Variants in RNF38 observed in about 807,000 individuals in gnomAD.
RNF38 encodes E3 ubiquitin-protein ligase RNF38.
Under a neutral mutation model 67.2 loss-of-function variants are expected in RNF38, and 15 were observed. The ratio of observed to expected loss-of-function variants is 0.22; its 90% CI spans 0.15 to 0.34. RNF38 has a LOEUF of 0.34. Ranked by LOEUF, RNF38 falls within the 10% of genes least tolerant of loss-of-function variation. RNF38 has a pLI of 1.00. For synonymous variants in RNF38, 220 were observed against 218.8 expected, an observed-to-expected ratio of 1.01 and a Z score of -0.05; for missense variants, 524 against 639.9, an observed-to-expected ratio of 0.82 and a Z score of 1.95.
intron 1 of RNF38, among the ~76,000 whole-genome samples, chr9:36,454,857 T>TA (rs1328461469): frequency 6.6e-6 from 1 of 152,160 alleles, no homozygotes. Flanking sequence ...GTGCTGGGGT[T>TA]AAAGGCGTGA....
At chr9:36,457,411 C>G (rs1839618927) in intron 1 of RNF38, among the ~76,000 whole-genome samples, 1 of 152,214 alleles carries the variant, frequency 6.6e-6, no homozygotes, top group Non-Finnish European at 1.5e-5. Flanking sequence ...TGAGCTATAA[C>G]AGAAAAACAT....
At chr9:36,356,742 G>C (rs1197477140) in intron 5 of RNF38, among the ~76,000 whole-genome samples, 1 of 150,718 alleles carries the variant, frequency 6.6e-6, no homozygotes, top group African/African-American at 2.4e-5. Context: ...GGGTTGGGGC[G>C]GGTGTGGGGG....
At chr9:36,463,580 T>C (rs996372365) in intron 1 of RNF38, among the ~76,000 whole-genome samples, 2 of 151,590 alleles carry the variant, frequency 1.3e-5, no homozygotes, top group African/African-American at 2.4e-5. Flanking sequence ...CAAGGTACAC[T>C]AGAAAAAAAA....
chr9:36,433,322 A>AC (rs569786020), intron 1 of RNF38, among the ~76,000 whole-genome samples: 175 of 150,796 alleles, frequency 1.2e-3, no homozygotes, highest in East Asian at 3.3e-3. Flanking sequence ...GGTGATGGAT[A>AC]CCCCCCCCTT....
At position 36,390,616 on chromosome 9, in the gene RNF38, T is replaced by A; in HGVS notation, c.13A>T (p.Ile5Leu). 1.2e-6 allele frequency: 2 copies of A among 1,613,598 alleles called. No individual in the cohort carries two copies. The highest frequency in any genetic ancestry group is 1.7e-6 in the Non-Finnish European group (2 of 1,179,786). The stretch of plus-strand genomic sequence containing the variant: ...GATGCTGAATTGGCCCCGGGAGATA[T>A]CTGGGAAAAAGAGGAAGAAAAGGAT... MACK[I>L]SPGANSASLP... The change falls in exon 2 of 12, where the codon ATA becomes TTA. Residue 5 changes from isoleucine (I) to leucine (L), a missense_variant and splice_region_variant. Transcript: ENST00000259605.
At chr9:36,438,257 A>T (rs1839114722) in intron 1 of RNF38, among the ~76,000 whole-genome samples, 1 of 152,098 alleles carries the variant, frequency 6.6e-6, no homozygotes, top group Non-Finnish European at 1.5e-5. Context: ...GCTTTTTATC[A>T]GACCTTCAAA....
rs1563986130 is a variant in RNF38, at chr9:36,337,493, G to C, written c.*2259C>G. Reference sequence around the variant, plus strand: ...CCTAGTCATTAGTACAATGTGCTGTGTTAATTAGATACCTCTATATAAATT... The same window carrying C: ...CCTAGTCATTAGTACAATGTGCTGTCTTAATTAGATACCTCTATATAAATT... On this transcript the variant is annotated 3_prime_UTR_variant, in exon 12 of 12. Transcript: ENST00000259605. 6.6e-6 allele frequency: 1 copy of C among 152,602 alleles called. No homozygotes were observed. The highest frequency in any genetic ancestry group is 1.9e-4 in the East Asian group (1 of 5,202). The allele number at this position is 152,602 out of a possible 1,614,324, so 9.5% of individuals were successfully genotyped here. A position where few individuals can be genotyped will look rare whatever the true frequency, so the allele number is the denominator to read the frequency against.
At chr9:36,375,849 A>T in intron 3 of RNF38, 85 bp downstream of exon 3, 1 of 1,284,938 alleles carries the variant, frequency 7.8e-7, no homozygotes, top group Non-Finnish European at 1.1e-6. Context: ...TGAAATGCCT[A>T]CAGAAAAAAT....
At chr9:36,371,425 C>A (rs1028564479) in intron 3 of RNF38, among the ~76,000 whole-genome samples, 1 of 151,716 alleles carries the variant, frequency 6.6e-6, no homozygotes, top group African/African-American at 2.4e-5. Flanking sequence ...AAGACGCCCT[C>A]CACCTTAGGA....
intron 5 of RNF38, among the ~76,000 whole-genome samples, chr9:36,357,052 TAA>T (rs1834179058): frequency 6.6e-6 from 1 of 152,208 alleles, no homozygotes; most frequent in Non-Finnish European, 1.5e-5. Context: ...AGCAACGTAT[TAA>T]GAGTTACATT....
intron 1 of RNF38, chr9:36,487,185 A>C (rs1316773397): frequency 1.6e-6 from 1 of 630,052 alleles, no homozygotes; most frequent in Non-Finnish European, 2.0e-6. Context: ...GGCCGGACAA[A>C]GCTGACCCGG....
At chr9:36,419,182 G>A (rs537520865) in intron 2 of RNF38, among the ~76,000 whole-genome samples, 1 of 152,136 alleles carries the variant, frequency 6.6e-6, no homozygotes, top group African/African-American at 2.4e-5. Flanking sequence ...AGTATATAAC[G>A]CAAATATACA....
chr9:36,463,247 G>A (rs1009915543), intron 1 of RNF38, among the ~76,000 whole-genome samples: 15 of 152,170 alleles, frequency 9.9e-5, no homozygotes, highest in African/African-American at 3.6e-4. Flanking sequence ...TGTGTAGCCA[G>A]TATGTAGGCC....
rs1346602704 is a variant in RNF38 at position 36,452,199 on chromosome 9, C to G, written n.242-27516G>C. Among the ~76,000 whole-genome samples, 4 of 152,258 alleles carry G rather than the reference C, an allele frequency of 2.6e-5. No individual in the cohort carries two copies. In the East Asian group the frequency reaches 7.7e-4, roughly 29 times the overall value. ...CGTGATCACACCACTGCACTCCAGC[C>G]TAGGTAACAGACTGAGCTGATGTCT... On this transcript the variant is annotated intron_variant and non_coding_transcript_variant, in intron 1 of 3. Coordinates refer to the RNF38 transcript ENST00000488058.
In RNF38 at chr9:36,337,466, CTCCTAG is replaced by C. The variant is rs1258641897; in HGVS notation, c.*2280_*2285del. The C allele has an allele frequency of 6.5e-6, 1 of 152,678 alleles. No homozygotes were observed. Among genetic ancestry groups the C allele is most frequent in the African/African-American group, 2.4e-5 (1 of 41,458 alleles). The allele number at this position is 152,678 out of a possible 1,614,324, so 9.5% of individuals were successfully genotyped here. A position where few individuals can be genotyped will look rare whatever the true frequency, so the allele number is the denominator to read the frequency against. ...AGAGGGAGAGAAGAAAAAGCTGCTA[CTCCTAG>C]TCATTAGTACAATGTGCTGTGTTAA... On this transcript the variant is annotated 3_prime_UTR_variant, in exon 12 of 12. Coordinates refer to ENST00000259605, the MANE Select transcript of RNF38 (RefSeq NM_022781.5).
chr9:36,400,557 C>A, upstream of RNF38: 2 of 988,200 alleles, frequency 2.0e-6, no homozygotes, highest in Non-Finnish European at 2.4e-6. Flanking sequence ...CCAGTACCTG[C>A]GAGGGGAGGC....
chr9:36,441,308 G>T (rs936712575), intron 1 of RNF38, among the ~76,000 whole-genome samples: 1 of 151,092 alleles, frequency 6.6e-6, no homozygotes, highest in African/African-American at 2.4e-5. Context: ...CTTTTCATCT[G>T]TTCTGGGTTA....
At chr9:36,351,598 C>T (rs998199180) in intron 8 of RNF38, among the ~76,000 whole-genome samples, 2 of 152,032 alleles carry the variant, frequency 1.3e-5, no homozygotes, top group African/African-American at 4.8e-5. Context: ...GGGAGACATA[C>T]TATATCTGAC....
chr9:36,423,740 G>A (rs1180502717), intron 2 of RNF38, among the ~76,000 whole-genome samples: 1 of 27,918 alleles, frequency 3.6e-5, no homozygotes. Context: ...ACGAGGTCAG[G>A]AAATCGAGAC....
Sources: gnomAD v4.1 joint callset for allele counts (sites outside exome capture counted in the v4.1 genomes callset) on GRCh38, gnomAD v4.1.1 for gene constraint, MANE v1.5 for transcripts, NCBI Gene and HGNC (gene_info 2026-07-23, HGNC 2026-07-21) for gene names.